Variants in SLC16A10 observed in about 807,000 individuals in gnomAD.
SLC16A10 encodes the protein solute carrier family 16 member 10, also known as monocarboxylate transporter 10.
SLC16A10 carries 27 observed loss-of-function variants against 40.0 expected under a neutral mutation model. That is an observed-to-expected ratio of 0.67 (90% CI 0.50 to 0.93). The LOEUF is 0.93. Ranked by LOEUF, SLC16A10 falls within the 40% of genes least tolerant of loss-of-function variation. SLC16A10 has a pLI of 0.00. For missense variants in SLC16A10, 529 were observed against 658.2 expected (o/e 0.80, Z 2.15); for synonymous variants, 213 against 249.8 (o/e 0.85, Z 1.39).
Position 111,119,123 on chromosome 6 carries a change from G to A in SLC16A10, c.343+31028G>A, listed in dbSNP as rs560892034. On this transcript the variant is annotated intron_variant, in intron 1 of 5. Transcript: ENST00000368851. The stretch of plus-strand genomic sequence containing the variant: ...TGATAAGAGCTTTGAACTTAATATC[G>A]CTGACACAAAAATAGGTCTCCTCAG... Among the ~76,000 whole-genome samples, 5 of 152,196 alleles carry A rather than the reference G, an allele frequency of 3.3e-5. No homozygotes were observed. The East Asian group carries it at 5.8e-4, about 18-fold the overall frequency.
At chr6:111,140,560 G>A (rs1420194117) in intron 1 of SLC16A10, among the ~76,000 whole-genome samples, 7 of 152,032 alleles carry the variant, frequency 4.6e-5, no homozygotes, top group Admixed American at 4.6e-4. Flanking sequence ...CACTTCTAAA[G>A]TACTCACATA....
chr6:111,140,096 A>C (rs972077134), intron 1 of SLC16A10, among the ~76,000 whole-genome samples: 3 of 152,204 alleles, frequency 2.0e-5, no homozygotes, highest in African/African-American at 7.2e-5. Flanking sequence ...ATGTACAACA[A>C]ACCCCTGTGA....
At position 111,178,706 on chromosome 6, in the gene SLC16A10, C is replaced by G. The variant is rs544512674; in HGVS notation, c.942+1041C>G. On this transcript the variant is annotated intron_variant, in intron 3 of 5. Coordinates refer to ENST00000368851, the MANE Select transcript of SLC16A10 (RefSeq NM_018593.5). ...GTAAATGATAAAAATGGCATTGGCA[C>G]ACATATTTGTATGTTTGTGAACTTG... 63 of 214,660 alleles carry G rather than the reference C, an allele frequency of 2.9e-4. 1 individual carries two copies. In the South Asian group the frequency reaches 3.9e-3, roughly 13 times the overall value. The allele number at this position is 214,660 out of a possible 1,614,324, so 13.3% of individuals were successfully genotyped here.
intron 1 of SLC16A10, among the ~76,000 whole-genome samples, chr6:111,159,037 C>T (rs936305290): frequency 3.2e-5 from 4 of 125,520 alleles, no homozygotes; most frequent in African/African-American, 1.3e-4. Context: ...CACTACACTC[C>T]AGTCTAGGTG....
chr6:111,139,941 G>A (rs937587992), intron 1 of SLC16A10, among the ~76,000 whole-genome samples: 1 of 152,074 alleles, frequency 6.6e-6, no homozygotes, highest in Non-Finnish European at 1.5e-5. Flanking sequence ...TTGACTTATA[G>A]GTGGGAGCTA....
In SLC16A10 at chr6:111,206,734, A is replaced by G. The variant is rs1475951025; in HGVS notation, c.1085A>G (p.Gln362Arg). 1 of 1,612,098 alleles carries G rather than the reference A, an allele frequency of 6.2e-7. No homozygotes were observed. Among genetic ancestry groups the G allele is most frequent in the Non-Finnish European group, 8.5e-7 (1 of 1,179,590 alleles). Reference sequence around the variant, plus strand: ...CCTGGTGTGAAGAAGGTTTATCTACAGGTACTTTTTTACACCTTTTTTCCC... The same window carrying G: ...CCTGGTGTGAAGAAGGTTTATCTACGGGTACTTTTTTACACCTTTTTTCCC... ...YVPGVKKVYL[Q>R]VLSFFFIGLM... The change falls in exon 4 of 6, where the codon CAG (glutamine) becomes CGG (arginine). Residue 362 changes from glutamine (Q) to arginine (R), a missense_variant and splice_region_variant. By Grantham distance (43) the Gln-to-Arg change is conservative (BLOSUM62 1). Coordinates refer to ENST00000368851, the MANE Select transcript of SLC16A10 (RefSeq NM_018593.5).
At chr6:111,113,832 C>T (rs181663713) in intron 1 of SLC16A10, among the ~76,000 whole-genome samples, 1 of 152,146 alleles carries the variant, frequency 6.6e-6, no homozygotes, top group African/African-American at 2.4e-5. Context: ...GTGTTGTTGC[C>T]TGTCTTATGA....
chr6:111,178,173 A>G (rs1335863519), intron 3 of SLC16A10, among the ~76,000 whole-genome samples: 1 of 152,194 alleles, frequency 6.6e-6, no homozygotes, highest in Non-Finnish European at 1.5e-5. Context: ...CCATAAGTAA[A>G]TTGTTTTTCA....
At chr6:111,160,601 A>G (rs776720613) in intron 1 of SLC16A10, among the ~76,000 whole-genome samples, 3 of 152,252 alleles carry the variant, frequency 2.0e-5, no homozygotes, top group East Asian at 1.9e-4. Flanking sequence ...CACCTGTGCT[A>G]TAGCTTCTAC....
intron 1 of SLC16A10, among the ~76,000 whole-genome samples, chr6:111,090,397 C>T (rs111977183): frequency 6.6e-5 from 10 of 152,286 alleles, no homozygotes; most frequent in African/African-American, 1.9e-4. Context: ...CTGATTCCTA[C>T]AGAAGGGCCC....
At chr6:111,100,091 C>T (rs1312195344) in intron 1 of SLC16A10, among the ~76,000 whole-genome samples, 4 of 149,972 alleles carry the variant, frequency 2.7e-5, no homozygotes, top group Non-Finnish European at 4.4e-5. Context: ...GATTATGTTT[C>T]AAATGTTCAT....
Position 111,107,296 on chromosome 6 carries a change from G to A in SLC16A10, c.343+19201G>A, listed in dbSNP as rs966865929. The stretch of plus-strand genomic sequence containing the variant: ...GTTCGAGACATTAAGAAATGATATC[G>A]CACCAGTTTTTAAAAAGCGCCTATC... On this transcript the variant is annotated intron_variant, in intron 1 of 5. Coordinates refer to ENST00000368851, the MANE Select transcript of SLC16A10 (RefSeq NM_018593.5). 5.3e-5 allele frequency among the ~76,000 whole-genome samples: 8 copies of A among 152,102 alleles called. No individual in the cohort carries two copies. In the South Asian group the frequency reaches 1.2e-3, roughly 24 times the overall value.
chr6:111,200,084 A>T (rs1256874542), intron 3 of SLC16A10, among the ~76,000 whole-genome samples: 1 of 152,134 alleles, frequency 6.6e-6, no homozygotes, highest in Non-Finnish European at 1.5e-5. Context: ...TCTGCTGTTT[A>T]AAAAAACAAA....
At chr6:111,154,220 A>G (rs1772227210) in intron 1 of SLC16A10, among the ~76,000 whole-genome samples, 1 of 152,264 alleles carries the variant, frequency 6.6e-6, no homozygotes, top group Admixed American at 6.5e-5. Context: ...CAAAGATTAA[A>G]CAACTATAGT....
intron 3 of SLC16A10, among the ~76,000 whole-genome samples, chr6:111,194,597 T>C (rs1562429212): frequency 6.6e-6 from 1 of 152,136 alleles, no homozygotes; most frequent in Non-Finnish European, 1.5e-5. Context: ...CACATACATA[T>C]CAGTGGGATT....
chr6:111,106,254 T>A (rs1268412148), intron 1 of SLC16A10, among the ~76,000 whole-genome samples: 1 of 152,204 alleles, frequency 6.6e-6, no homozygotes, highest in Non-Finnish European at 1.5e-5. Flanking sequence ...GTAGTAAAGG[T>A]TGGGAATCAA....
chr6:111,138,646 CT>C (rs549418719), intron 1 of SLC16A10, among the ~76,000 whole-genome samples: 78 of 145,174 alleles, frequency 5.4e-4, no homozygotes, highest in Admixed American at 6.9e-4. Flanking sequence ...CTATTTGGTG[CT>C]TTTTTTTTTT....
intron 1 of SLC16A10, among the ~76,000 whole-genome samples, chr6:111,090,739 A>G (rs1306407212): frequency 1.3e-5 from 2 of 152,214 alleles, no homozygotes; most frequent in African/African-American, 4.8e-5. Context: ...TTTCACTTTG[A>G]TATTCGAATG....
rs1286731394 is a variant in SLC16A10 at position 111,223,003 on chromosome 6, T to C, written c.*768T>C. 2 of 152,210 alleles carry C rather than the reference T, an allele frequency of 1.3e-5. No individual in the cohort carries two copies. The highest frequency in any genetic ancestry group is 4.8e-5 in the African/African-American group (2 of 41,452). The allele number at this position is 152,210 out of a possible 1,614,324, so 9.4% of individuals were successfully genotyped here. On this transcript the variant is annotated 3_prime_UTR_variant, in exon 6 of 6. Coordinates refer to ENST00000368851, the MANE Select transcript of SLC16A10 (RefSeq NM_018593.5). Reference sequence around the variant, plus strand: ...TTTAAACTGTAACAATAAAGTAAAATAGAATGCATGAAAGATATTCTGGCG... The same window carrying C: ...TTTAAACTGTAACAATAAAGTAAAACAGAATGCATGAAAGATATTCTGGCG...
Sources: allele counts gnomAD v4.1 joint callset (sites outside exome capture counted in the v4.1 genomes callset), GRCh38; gene constraint gnomAD v4.1.1; transcripts MANE v1.5; gene names NCBI Gene and HGNC (gene_info 2026-07-23, HGNC 2026-07-21).